Variants in ATP1B1 observed in about 807,000 individuals in gnomAD.
ATP1B1 encodes ATPase Na+/K+ transporting subunit beta 1, also known as sodium/potassium-transporting ATPase subunit beta-1.
In ATP1B1, 3 loss-of-function variants were observed where a neutral mutation model predicts 39.6. The ratio of observed to expected loss-of-function variants is 0.08; its 90% CI spans 0.03 to 0.20. The LOEUF (loss-of-function observed/expected upper bound fraction) is 0.20, where lower values mean the gene tolerates loss of function less well. Ranked by LOEUF, ATP1B1 falls within the 10% of genes least tolerant of loss-of-function variation. The probability of loss-of-function intolerance (pLI) is 1.00; values close to 1 mark genes in which losing one functional copy is unlikely to be tolerated. For missense variants in ATP1B1, 216 were observed against 371.1 expected (o/e 0.58, Z 3.43); for synonymous variants, 139 against 135.0 (o/e 1.03, Z -0.20).
chr1:169,118,877 G>T (rs1657913357), intron 2 of ATP1B1, among the ~76,000 whole-genome samples: 1 of 152,174 alleles, frequency 6.6e-6, no homozygotes, highest in Non-Finnish European at 1.5e-5. Context: ...CCTATTTAGA[G>T]ATTTGATCTA....
chr1:169,127,232 A>C lies in ATP1B1; in HGVS notation c.391A>C (p.Ser131Arg), dbSNP rs769591922. 2 of 1,578,742 alleles carry C rather than the reference A, an allele frequency of 1.3e-6. No homozygotes were observed. Among genetic ancestry groups the C allele is most frequent in the Non-Finnish European group, 1.7e-6 (2 of 1,169,658 alleles). ...TGTGTTTTTATTTTTAGATGTGCCC[A>C]GTGAACCGAAAGAACGAGGAGACTT... is the stretch of plus-strand genomic sequence containing the variant. ...MIFEDCGDVP[S>R]EPKERGDFNH... The change falls in exon 4 of 6, where the codon AGT becomes CGT. Residue 131 changes from serine to arginine, a missense_variant. Coordinates refer to ENST00000367815, the MANE Select transcript of ATP1B1 (RefSeq NM_001677.4).
intron 1 of ATP1B1, among the ~76,000 whole-genome samples, chr1:169,109,067 C>T (rs1477882683): frequency 3.9e-5 from 6 of 152,196 alleles, no homozygotes; most frequent in Non-Finnish European, 7.3e-5. Flanking sequence ...CCAAGATGGA[C>T]GCAGGAGACT....
intron 4 of ATP1B1, among the ~76,000 whole-genome samples, chr1:169,128,488 G>A (rs569987387): frequency 1.3e-5 from 2 of 152,272 alleles, no homozygotes; most frequent in East Asian, 1.9e-4. Flanking sequence ...GAGTAGGTGG[G>A]GATGGATGGT....
chr1:169,120,572 A>G (rs1657957167), intron 2 of ATP1B1, among the ~76,000 whole-genome samples: 1 of 152,194 alleles, frequency 6.6e-6, no homozygotes, highest in African/African-American at 2.4e-5. Context: ...ACAGGGTTCT[A>G]AGACTCCGTG....
intron 1 of ATP1B1, 74 bp from the exon 2 acceptor site, chr1:169,111,296 A>C: frequency 1.3e-6 from 2 of 1,577,708 alleles, no homozygotes; most frequent in Admixed American, 3.4e-5. Context: ...AAGCTTGTTC[A>C]TCCGTGGGAA....
intron 2 of ATP1B1, among the ~76,000 whole-genome samples, chr1:169,113,806 G>C (rs1222832809): frequency 6.6e-6 from 1 of 152,160 alleles, no homozygotes; most frequent in East Asian, 1.9e-4. Context: ...ATGCATTCCT[G>C]TCCTGTGGTC....
At chr1:169,107,944 C>T (rs1190793282) in intron 1 of ATP1B1, 2 of 152,324 alleles carry the variant, frequency 1.3e-5, no homozygotes, top group East Asian at 3.9e-4. Flanking sequence ...GGCACCACCA[C>T]TGCAGTCATT....
In ATP1B1 at chr1:169,131,784, C is replaced by T. The variant is rs1390818337; in HGVS notation, c.*229C>T. On this transcript the variant is annotated 3_prime_UTR_variant, in exon 6 of 6. Coordinates refer to ENST00000367815, the MANE Select transcript of ATP1B1 (RefSeq NM_001677.4). The surrounding 1 kb of genome is among the most constrained non-coding windows in gnomAD (Gnocchi z 4.4). ...GACAAAAGAAAAAGAAAAATTGAGCCTTGGGACGTGCCCATTTTTACTGTA... is the reference window on the plus strand; with the variant it reads ...GACAAAAGAAAAAGAAAAATTGAGCTTTGGGACGTGCCCATTTTTACTGTA... 2 of 559,408 alleles carry T rather than the reference C, an allele frequency of 3.6e-6. No individual in the cohort carries two copies. The highest frequency in any genetic ancestry group is 3.8e-5 in the African/African-American group (2 of 52,942). The allele number at this position is 559,408 out of a possible 1,614,324, so 34.7% of individuals were successfully genotyped here.
At chr1:169,120,259 A>AAT (rs1657946560) in intron 2 of ATP1B1, among the ~76,000 whole-genome samples, 1 of 152,224 alleles carries the variant, frequency 6.6e-6, no homozygotes, top group South Asian at 2.1e-4. Flanking sequence ...TTTATGTAGT[A>AAT]AGCATGTGTG....
Position 169,132,584 on chromosome 1 carries a change from C to T in ATP1B1, c.*1029C>T. On this transcript the variant is annotated 3_prime_UTR_variant, in exon 6 of 6. Transcript: ENST00000367815. ...CTTTATAAAAAGCAATGCAGTACCC[C>T]ATAGACTGGTGTTAAATGTTGTCTA... The T allele has an allele frequency of 2.0e-6, 1 of 506,970 alleles. No homozygotes were observed. Among genetic ancestry groups the T allele is most frequent in the South Asian group, 3.6e-5 (1 of 27,544 alleles). The allele number at this position is 506,970 out of a possible 1,614,324, so 31.4% of individuals were successfully genotyped here.
At chr1:169,112,351 A>C (rs978718666) in intron 2 of ATP1B1, among the ~76,000 whole-genome samples, 2 of 152,260 alleles carry the variant, frequency 1.3e-5, no homozygotes, top group Non-Finnish European at 2.9e-5. Flanking sequence ...AATAGCCACA[A>C]ACGTGAATTT....
intron 5 of ATP1B1, among the ~76,000 whole-genome samples, chr1:169,130,779 CAAAAAAAAAAAAAAA>C (rs57542049): frequency 1.1e-4 from 8 of 73,968 alleles, no homozygotes; most frequent in African/African-American, 4.0e-4. Context: ...AAGACTATCT[CAAAAAAAAAAAAAAA>C]AAAAAAAAAA....
rs184865282 is a variant in ATP1B1, at chr1:169,120,230, G to A, written c.227-4654G>A. ...GAGGCAGCGGCCACTTGACTGTGGC[G>A]TGGCCTCCTGGACATTTGTTTATGT... On this transcript the variant is annotated intron_variant, in intron 2 of 5. Transcript: ENST00000367815. Among the ~76,000 whole-genome samples the A allele has an allele frequency of 3.2e-3, 487 of 152,310 alleles. 3 individuals carry two copies. The highest frequency in any genetic ancestry group is 8.0e-3 in the African/African-American group (334 of 41,566).
rs376416247 is a variant in ATP1B1, at chr1:169,106,937, G to A, written c.97+11G>A. The A allele has an allele frequency of 6.4e-6, 10 of 1,571,202 alleles. No individual in the cohort carries two copies. The highest frequency in any genetic ancestry group is 5.8e-5 in the South Asian group (5 of 86,600). On this transcript the variant is annotated intron_variant, in intron 1 of 5. Transcript: ENST00000367815. ...CCGGTGGCAGTTGGTGTAAGTACGG[G>A]GTCCGCAGCTCCCGGCCGCCGCGTC...
intron 2 of ATP1B1, among the ~76,000 whole-genome samples, 170 bp from the exon 3 acceptor site, chr1:169,124,714 C>T (rs1476809957): frequency 2.0e-5 from 3 of 152,190 alleles, no homozygotes; most frequent in African/African-American, 7.2e-5. Context: ...GTCACTGGTA[C>T]TTGGGGTTAC....
rs1235285750 is a variant in ATP1B1 at position 169,132,170 on chromosome 1, G to C, written c.*615G>C. 3.1e-6 allele frequency: 2 copies of C among 637,574 alleles called. No individual in the cohort carries two copies. The highest frequency in any genetic ancestry group is 5.9e-6 in the Non-Finnish European group (2 of 337,392). The allele number at this position is 637,574 out of a possible 1,614,324, so 39.5% of individuals were successfully genotyped here. ...GGGGCTGGGGTGGGGGTTTGTCATG[G>C]GGGAACTGCCCTTTAAATTTTAAGT... On this transcript the variant is annotated 3_prime_UTR_variant, in exon 6 of 6. Coordinates refer to ENST00000367815, the MANE Select transcript of ATP1B1 (RefSeq NM_001677.4).
Position 169,129,716 on chromosome 1 carries a change from T to C in ATP1B1, c.568-294T>C, listed in dbSNP as rs142770472. ...TTGGGTTGACTTAGTTTTCAGTGTCTTTAAGCAAAGCTTATAATGGGCTAC... is the reference window on the plus strand; with the variant it reads ...TTGGGTTGACTTAGTTTTCAGTGTCCTTAAGCAAAGCTTATAATGGGCTAC... On this transcript the variant is annotated intron_variant, in intron 4 of 5. Coordinates refer to ENST00000367815, the MANE Select transcript of ATP1B1 (RefSeq NM_001677.4). Among the ~76,000 whole-genome samples the C allele has an allele frequency of 3.8e-3, 575 of 152,372 alleles. 1 individual carries two copies. Among genetic ancestry groups the C allele is most frequent in the Non-Finnish European group, 6.1e-3 (412 of 68,032 alleles).
At chr1:169,129,406 T>A (rs950466513) in intron 4 of ATP1B1, among the ~76,000 whole-genome samples, 35 of 152,186 alleles carry the variant, frequency 2.3e-4, no homozygotes, top group African/African-American at 8.4e-4. Flanking sequence ...CTTCAGTGGA[T>A]TCACCCCTTC....
chr1:169,125,107 A>C, intron 3 of ATP1B1, 68 bp downstream of exon 3: 1 of 1,487,500 alleles, frequency 6.7e-7, no homozygotes. Context: ...TCCCACTTCT[A>C]TTTTTTGTTT....
Sources: gnomAD v4.1 joint callset for allele counts (sites outside exome capture counted in the v4.1 genomes callset) on GRCh38, gnomAD v4.1.1 for gene constraint, Gnocchi (gnomAD v3.1) non-coding constraint, MANE v1.5 for transcripts, NCBI Gene and HGNC (gene_info 2026-07-23, HGNC 2026-07-21) for gene names.